Variants in LMF1 observed in about 807,000 individuals in gnomAD.
LMF1 encodes the protein lipase maturation factor 1.
In LMF1, 68 loss-of-function variants were observed where a neutral mutation model predicts 60.6. The observed-to-expected ratio is 1.12, with a 90% CI of 0.92 to 1.37. The LOEUF (loss-of-function observed/expected upper bound fraction) is 1.37, where lower values mean the gene tolerates loss of function less well. Ranked by LOEUF, LMF1 falls within the 40% of genes most tolerant of loss-of-function variation. The pLI, the probability that LMF1 is intolerant of heterozygous loss-of-function variation, is 0.00. For synonymous variants in LMF1, 418 were observed against 324.7 expected (o/e 1.29, Z -3.09); for missense variants, 948 against 767.2 (o/e 1.24, Z -2.78).
rs549495626 is a variant in LMF1, at chr16:931,383, G to A, written c.514+2861C>T. Among the ~76,000 whole-genome samples the A allele has an allele frequency of 8.3e-4, 127 of 152,326 alleles. 1 individual carries two copies. Among genetic ancestry groups the A allele is most frequent in the Non-Finnish European group, 1.0e-3 (71 of 68,030 alleles). ...TGCGGGCCGCAGGGTCCCAGTGACC[G>A]ACCCCGTGCCCCGCCCTGAACCACC... is the stretch of plus-strand genomic sequence containing the variant. On this transcript the variant is annotated intron_variant, in intron 3 of 10. Transcript: ENST00000262301.
At chr16:953,933 A>G (rs868718552) in intron 2 of LMF1, among the ~76,000 whole-genome samples, 8 of 85,502 alleles carry the variant, frequency 9.4e-5, no homozygotes, top group African/African-American at 8.8e-5. Flanking sequence ...CCAGCTTCCT[A>G]CACGTCCACA....
chr16:893,770 CT>C lies in LMF1; in HGVS notation c.664-699del, dbSNP rs2070567847. 1.3e-5 allele frequency among the ~76,000 whole-genome samples: 2 copies of C among 152,086 alleles called. 1 individual carries two copies. The highest frequency in any genetic ancestry group is 4.1e-4 in the South Asian group (2 of 4,828). ...TCTGCTTTCCCTGGGTCACTCCCGG[CT>C]TCAGATGATTCCTTCACAAGTCAGA... On this transcript the variant is annotated intron_variant, in intron 4 of 10. Transcript: ENST00000262301.
intron 3 of LMF1, chr16:931,529 CG>C (rs1447402500): frequency 3.6e-6 from 3 of 842,412 alleles, no homozygotes; most frequent in Non-Finnish European, 4.9e-6. Context: ...TCTCCCAGGC[CG>C]TCCCGAACGA....
intron 1 of LMF1, among the ~76,000 whole-genome samples, chr16:957,684 A>G (rs991462395): frequency 2.0e-5 from 3 of 152,204 alleles, no homozygotes; most frequent in Non-Finnish European, 4.4e-5. Context: ...AAGACTTACT[A>G]AAAAGCTAAT....
intron 5 of LMF1, among the ~76,000 whole-genome samples, chr16:888,723 A>G (rs1159597284): frequency 1.8e-5 from 2 of 109,084 alleles, no homozygotes; most frequent in Non-Finnish European, 3.7e-5. Flanking sequence ...GCCCAGTCCA[A>G]GGCCAGAAGC....
intron 10 of LMF1, among the ~76,000 whole-genome samples, chr16:863,251 G>A (rs992639970): frequency 1.3e-5 from 2 of 152,088 alleles, no homozygotes; most frequent in African/African-American, 4.8e-5. Context: ...AGCAATTCTC[G>A]TGTTTCAGCC....
At chr16:926,167 C>T (rs562701670) in intron 3 of LMF1, among the ~76,000 whole-genome samples, 5 of 149,364 alleles carry the variant, frequency 3.3e-5, no homozygotes, top group African/African-American at 5.0e-5. Context: ...TATGTGCATA[C>T]GCGTGTGCAC....
At chr16:861,005 C>T (rs1425464073) in intron 10 of LMF1, among the ~76,000 whole-genome samples, 3 of 146,364 alleles carry the variant, frequency 2.0e-5, no homozygotes, top group Non-Finnish European at 4.4e-5. Flanking sequence ...CCTATTAACA[C>T]ATCTTGCTGG....
chr16:917,381 T>C (rs1465532137), intron 3 of LMF1, among the ~76,000 whole-genome samples: 1 of 106,460 alleles, frequency 9.4e-6, no homozygotes, highest in Non-Finnish European at 1.8e-5. Context: ...GCCACACGTG[T>C]GCGCTGCGGG....
At position 962,235 on chromosome 16, in the gene LMF1, C is replaced by T. The variant is rs1294219041; in HGVS notation, c.194-7569G>A. Among the ~76,000 whole-genome samples the T allele has an allele frequency of 6.6e-6, 1 of 150,766 alleles. No homozygotes were observed. ...GACTCACGGTGACAGCATGGGATCA[C>T]GACCCAGACACAGACTCACGGTGAC... On this transcript the variant is annotated intron_variant, in intron 1 of 10. Coordinates refer to ENST00000262301, the MANE Select transcript of LMF1 (RefSeq NM_022773.4). This position sits in a 1 kb window ranked among gnomAD's most constrained non-coding sequence, Gnocchi z 4.5.
chr16:941,670 A>T (rs2072103850), intron 2 of LMF1, among the ~76,000 whole-genome samples: 1 of 152,242 alleles, frequency 6.6e-6, no homozygotes, highest in Non-Finnish European at 1.5e-5. Context: ...TACTGGAAGC[A>T]AACATGTTTA....
intron 1 of LMF1, among the ~76,000 whole-genome samples, chr16:963,477 A>G (rs778693690): frequency 6.6e-6 from 1 of 152,004 alleles, no homozygotes; most frequent in Non-Finnish European, 1.5e-5. Context: ...GCACGGGTGT[A>G]TGCATGTCTC....
intron 3 of LMF1, among the ~76,000 whole-genome samples, chr16:912,575 G>A (rs2071153122): frequency 6.6e-6 from 1 of 152,150 alleles, no homozygotes; most frequent in South Asian, 2.1e-4. Context: ...ATGGACAGAC[G>A]GTCAGTCCTT....
At chr16:882,784 C>G (rs893756976) in intron 5 of LMF1, among the ~76,000 whole-genome samples, 1 of 150,866 alleles carries the variant, frequency 6.6e-6, no homozygotes, top group Non-Finnish European at 1.5e-5. Context: ...GGGCCCATCG[C>G]AGGACCAGGA....
intron 5 of LMF1, among the ~76,000 whole-genome samples, chr16:885,817 C>T (rs967782295): frequency 6.6e-6 from 1 of 152,144 alleles, no homozygotes; most frequent in African/African-American, 2.4e-5. Flanking sequence ...ATTGATAAAA[C>T]AGGCAGAAAA....
Position 855,206 on chromosome 16 carries a change from C to T in LMF1, c.1530-500G>A, listed in dbSNP as rs145093351. On this transcript the variant is annotated intron_variant, in intron 10 of 10. Coordinates refer to ENST00000262301, the MANE Select transcript of LMF1 (RefSeq NM_022773.4). ...GTCCGAGGCTGTGAGGGAGCCAGGC[C>T]GGGACCTGTTTCCTGAGGGCGGAGC... 1.0e-3 allele frequency: 239 copies of T among 234,098 alleles called. 1 individual carries two copies. The highest frequency in any genetic ancestry group is 1.6e-3 in the Non-Finnish European group (186 of 116,890). 14.5% of individuals were successfully genotyped at this position (234,098 alleles called of 1,614,324 possible).
At chr16:910,331 G>A (rs551547149) in intron 4 of LMF1, among the ~76,000 whole-genome samples, 1 of 152,264 alleles carries the variant, frequency 6.6e-6, no homozygotes, top group South Asian at 2.1e-4. Flanking sequence ...CAGGGCCCAG[G>A]AGGGAACCCG....
At chr16:873,864 T>C (rs1243520407) in intron 6 of LMF1, 1 of 152,448 alleles carries the variant, frequency 6.6e-6, no homozygotes, top group Non-Finnish European at 1.5e-5. Context: ...CGGAAACGCA[T>C]GCAGCCTTGC....
At chr16:928,637 C>T (rs1038971478) in intron 3 of LMF1, among the ~76,000 whole-genome samples, 6 of 152,096 alleles carry the variant, frequency 3.9e-5, no homozygotes, top group Admixed American at 6.5e-5. Flanking sequence ...CCCCTCCCCA[C>T]AGGCAGTCAC....
Sources: allele counts gnomAD v4.1 joint callset (sites outside exome capture counted in the v4.1 genomes callset), GRCh38; gene constraint gnomAD v4.1.1; non-coding constraint Gnocchi (gnomAD v3.1); transcripts MANE v1.5; gene names NCBI Gene and HGNC (gene_info 2026-07-23, HGNC 2026-07-21).